Variants in STAG1 observed in about 807,000 individuals in gnomAD.
The protein encoded by STAG1 is STAG1 cohesin complex component, also known as cohesin subunit SA-1.
In STAG1, 26 loss-of-function variants were observed where a neutral mutation model predicts 170.9. The observed-to-expected ratio is 0.15, with a 90% CI of 0.11 to 0.21. The LOEUF (loss-of-function observed/expected upper bound fraction) is 0.21, where lower values mean the gene tolerates loss of function less well. Among genes scored for constraint, STAG1 ranks in the 10% least tolerant of loss-of-function variants. The pLI is 1.00. For synonymous variants in STAG1, 514 were observed against 497.7 expected (o/e 1.03, Z -0.44); for missense variants, 964 against 1,509.5 (o/e 0.64, Z 5.99).
At chr3:136,751,320 A>G (rs1935224038) in intron 1 of STAG1, among the ~76,000 whole-genome samples, 1 of 152,014 alleles carries the variant, frequency 6.6e-6, no homozygotes, top group Admixed American at 6.6e-5. Flanking sequence ...CAATCCTAAA[A>G]CCTGAAAATT....
At chr3:136,398,905 T>C in intron 21 of STAG1, 76 bp from the exon 22 acceptor site, 1 of 803,714 alleles carries the variant, frequency 1.2e-6, no homozygotes, top group Non-Finnish European at 1.8e-6. Flanking sequence ...CGTGCTAAGA[T>C]AATATTTATC....
At chr3:136,489,299 T>C (rs573107400) in intron 9 of STAG1, among the ~76,000 whole-genome samples, 11 of 152,330 alleles carry the variant, frequency 7.2e-5, no homozygotes, top group South Asian at 2.1e-4. Context: ...TAAGTTTTCA[T>C]TGGATTACTT....
At chr3:136,631,090 C>T in intron 1 of STAG1, 109 bp from the exon 2 acceptor site, 1 of 534,456 alleles carries the variant, frequency 1.9e-6, no homozygotes, top group Non-Finnish European at 3.2e-6. Flanking sequence ...TGGCATTTAC[C>T]CAAATGAGCT....
At chr3:136,459,862 T>C (rs2089225706) in intron 13 of STAG1, among the ~76,000 whole-genome samples, 1 of 152,090 alleles carries the variant, frequency 6.6e-6, no homozygotes, top group Non-Finnish European at 1.5e-5. Context: ...AAAGCAGTTC[T>C]AAAGGAAAGT....
chr3:136,614,911 T>C (rs1247837231), intron 3 of STAG1, among the ~76,000 whole-genome samples: 1 of 152,056 alleles, frequency 6.6e-6, no homozygotes, highest in South Asian at 2.1e-4. Context: ...GACTGCATAA[T>C]GCAAAAATTT....
intron 1 of STAG1, among the ~76,000 whole-genome samples, chr3:136,640,284 G>A (rs1940739689): frequency 6.6e-6 from 1 of 151,760 alleles, no homozygotes; most frequent in African/African-American, 2.4e-5. Context: ...GAAAAATAAA[G>A]TATCTAATTT....
At chr3:136,586,870 A>G (rs1362443291) in intron 4 of STAG1, 1 of 456,696 alleles carries the variant, frequency 2.2e-6, no homozygotes, top group East Asian at 6.9e-5. Flanking sequence ...AGAAGTAGAC[A>G]CTGCTTCTCT....
rs185450529 is a variant in STAG1 at position 136,391,505 on chromosome 3, T to C, written c.2277+7244A>G. Among the ~76,000 whole-genome samples, 1,071 of 152,048 alleles carry C rather than the reference T, an allele frequency of 7.0e-3. 15 individuals are homozygous for C. Among genetic ancestry groups the C allele is most frequent in the African/African-American group, 0.024 (990 of 41,510 alleles). Reference sequence around the variant, plus strand: ...GATTCTCCTGCCTCAGCCTCCCAAGTAGCTGGGACTACAGGCGCACGCCAC... The same window carrying C: ...GATTCTCCTGCCTCAGCCTCCCAAGCAGCTGGGACTACAGGCGCACGCCAC... On this transcript the variant is annotated intron_variant, in intron 22 of 33. Transcript: ENST00000383202.
chr3:136,587,049 A>G, intron 4 of STAG1: 1 of 352,738 alleles, frequency 2.8e-6, no homozygotes, highest in South Asian at 2.3e-5. Context: ...GTCTATCATG[A>G]TAAGCTACTG....
intron 4 of STAG1, among the ~76,000 whole-genome samples, chr3:136,576,171 C>T (rs1032399488): frequency 6.6e-6 from 1 of 152,144 alleles, no homozygotes; most frequent in Non-Finnish European, 1.5e-5. Flanking sequence ...ACTAGTAATA[C>T]AAATGAGCTG....
At chr3:136,468,725 C>A (rs1380192655) in intron 12 of STAG1, among the ~76,000 whole-genome samples, 1 of 152,140 alleles carries the variant, frequency 6.6e-6, no homozygotes, top group Admixed American at 6.6e-5. Context: ...AACATTCACG[C>A]AAATATCCTC....
chr3:136,449,648 A>T (rs983766171), intron 14 of STAG1, among the ~76,000 whole-genome samples: 1 of 152,160 alleles, frequency 6.6e-6, no homozygotes, highest in African/African-American at 2.4e-5. Flanking sequence ...AAATGGTAGC[A>T]AACACAGGAA....
chr3:136,514,081 TTTCTC>T lies in STAG1; in HGVS notation c.676+7127_676+7131del, dbSNP rs199741130. Reference sequence around the variant, plus strand: ...TATAGAGAATTTTTATTTTTGTACTTTTCTCTTTTTCTGAATTCTCTGTAAGTAGT... The same window carrying T: ...TATAGAGAATTTTTATTTTTGTACTTTTTTTCTGAATTCTCTGTAAGTAGT... On this transcript the variant is annotated intron_variant, in intron 7 of 33. Transcript: ENST00000383202. 3.4e-3 allele frequency among the ~76,000 whole-genome samples: 513 copies of T among 152,326 alleles called. 8 individuals are homozygous for T. In the East Asian group the frequency reaches 0.048, roughly 14 times the overall value.
intron 22 of STAG1, among the ~76,000 whole-genome samples, chr3:136,398,258 C>T (rs2087224673): frequency 6.6e-6 from 1 of 152,152 alleles, no homozygotes; most frequent in Non-Finnish European, 1.5e-5. Flanking sequence ...GCTGGGACTA[C>T]AGGTGTGCAT....
chr3:136,408,609 T>C (rs1041324802), intron 21 of STAG1, among the ~76,000 whole-genome samples: 3 of 151,948 alleles, frequency 2.0e-5, no homozygotes, highest in African/African-American at 4.8e-5. Context: ...ATTCAGAAGG[T>C]AGAATTTATA....
intron 1 of STAG1, among the ~76,000 whole-genome samples, chr3:136,638,917 A>G (rs1487179736): frequency 6.6e-6 from 1 of 152,168 alleles, no homozygotes; most frequent in Non-Finnish European, 1.5e-5. Flanking sequence ...AAATAAATAA[A>G]TAAATGCATG....
intron 5 of STAG1, among the ~76,000 whole-genome samples, chr3:136,559,144 T>TCTAC (rs1936739109): frequency 6.7e-6 from 1 of 149,126 alleles, no homozygotes; most frequent in Non-Finnish European, 1.5e-5. Context: ...TATCTATCTA[T>TCTAC]CTATCTATCT....
chr3:136,512,798 C>G (rs1934139194), intron 7 of STAG1, among the ~76,000 whole-genome samples: 1 of 151,932 alleles, frequency 6.6e-6, no homozygotes, highest in Non-Finnish European at 1.5e-5. Context: ...AATCTGGAAG[C>G]CAGAGTCAAT....
chr3:136,740,860 G>C (rs909998868), intron 1 of STAG1, among the ~76,000 whole-genome samples: 8 of 152,180 alleles, frequency 5.3e-5, no homozygotes, highest in Admixed American at 3.9e-4. Context: ...ATCTAATTTG[G>C]TGATAACATA....
Sources: gnomAD v4.1 joint callset for allele counts (sites outside exome capture counted in the v4.1 genomes callset) on GRCh38, gnomAD v4.1.1 for gene constraint, MANE v1.5 for transcripts, NCBI Gene and HGNC (gene_info 2026-07-23, HGNC 2026-07-21) for gene names.